SHC3: variants seen among roughly 807,000 people sequenced by gnomAD.
The protein encoded by SHC3 is SHC adaptor protein 3.
A neutral mutation model predicts 60.4 loss-of-function variants in SHC3; 15 were observed. The ratio of observed to expected loss-of-function variants is 0.25; its 90% CI spans 0.17 to 0.38. The LOEUF (loss-of-function observed/expected upper bound fraction) is 0.38, where lower values mean the gene tolerates loss of function less well. Ranked by LOEUF, SHC3 falls within the 10% of genes least tolerant of loss-of-function variation. The pLI, the probability that SHC3 is intolerant of heterozygous loss-of-function variation, is 1.00. For missense variants in SHC3, 677 were observed against 786.1 expected, an observed-to-expected ratio of 0.86 and a Z score of 1.66; for synonymous variants, 294 against 325.9, an observed-to-expected ratio of 0.90 and a Z score of 1.05.
intron 1 of SHC3, among the ~76,000 whole-genome samples, chr9:89,145,801 T>C (rs2118202226): frequency 6.6e-6 from 1 of 152,334 alleles, no homozygotes; most frequent in Non-Finnish European, 1.5e-5. Context: ...TAGTATTAGA[T>C]AAAGTAAGAA....
At chr9:89,037,908 TG>T (rs1330591266) in intron 11 of SHC3, 84 bp downstream of exon 11, 22 of 1,508,356 alleles carry the variant, frequency 1.5e-5, no homozygotes, top group Non-Finnish European at 4.5e-6. Flanking sequence ...GGTGGGAATG[TG>T]GAGGGCATTT....
At chr9:89,110,206 A>T (rs1243141940) in intron 2 of SHC3, 1 of 985,304 alleles carries the variant, frequency 1.0e-6, no homozygotes, top group Non-Finnish European at 1.2e-6. Context: ...TGGAGTCCTC[A>T]CATTTGTGTA....
Position 89,051,514 on chromosome 9 carries a change from A to G in SHC3, c.962+523T>C, listed in dbSNP as rs568710741. On this transcript the variant is annotated intron_variant, in intron 7 of 11. Coordinates refer to ENST00000375835, the MANE Select transcript of SHC3 (RefSeq NM_016848.6). ...TCACAGATAAAGCTGCTGAGACTCA[A>G]GGAGTTTACAGAACTTGCTCAGGGC... 5.9e-5 allele frequency among the ~76,000 whole-genome samples: 9 copies of G among 152,380 alleles called. No individual in the cohort carries two copies. In the East Asian group the frequency reaches 1.7e-3, roughly 29 times the overall value.
rs918551459 is a variant in SHC3 at position 89,012,105 on chromosome 9, A to G, written c.*1342T>C. 6.6e-6 allele frequency: 1 copy of G among 152,184 alleles called. No individual in the cohort carries two copies. The highest frequency in any genetic ancestry group is 2.4e-5 in the African/African-American group (1 of 41,428). The allele number at this position is 152,184 out of a possible 1,614,324, so 9.4% of individuals were successfully genotyped here. ...CTGTACCCTGTGGGGTCTCACCAGA[A>G]CAAGAGCCACGCTGCCAGCAAGCAA... On this transcript the variant is annotated 3_prime_UTR_variant, in exon 12 of 12. Transcript: ENST00000375835.
At chr9:89,062,260 T>C (rs1369960339) in intron 6 of SHC3, among the ~76,000 whole-genome samples, 1 of 152,214 alleles carries the variant, frequency 6.6e-6, no homozygotes, top group African/African-American at 2.4e-5. Context: ...AAGCCTGACT[T>C]GTTGGGAATT....
intron 10 of SHC3, among the ~76,000 whole-genome samples, chr9:89,040,171 T>C (rs1484444845): frequency 2.2e-5 from 2 of 90,290 alleles, no homozygotes; most frequent in African/African-American, 7.6e-5. Context: ...ACCATCATCA[T>C]CACTATCAAC....
At chr9:89,074,181 A>T (rs1410502504) in intron 4 of SHC3, among the ~76,000 whole-genome samples, 1 of 152,128 alleles carries the variant, frequency 6.6e-6, no homozygotes, top group African/African-American at 2.4e-5. Flanking sequence ...TAACCTGGGG[A>T]ATATGGAAGT....
At chr9:89,169,784 T>C (rs977563499) in intron 1 of SHC3, among the ~76,000 whole-genome samples, 6 of 152,154 alleles carry the variant, frequency 3.9e-5, no homozygotes, top group Non-Finnish European at 8.8e-5. Flanking sequence ...CATTTTACCA[T>C]TCTCTCTATT....
intron 11 of SHC3, among the ~76,000 whole-genome samples, chr9:89,014,081 C>A (rs1054420495): frequency 6.6e-6 from 1 of 152,198 alleles, no homozygotes; most frequent in Non-Finnish European, 1.5e-5. Context: ...CTCCAGACAT[C>A]CTGGGCACCC....
chr9:89,156,404 A>G (rs1826623744), intron 1 of SHC3, among the ~76,000 whole-genome samples: 1 of 152,200 alleles, frequency 6.6e-6, no homozygotes, highest in Non-Finnish European at 1.5e-5. Flanking sequence ...CTGAAACATC[A>G]TAGATATGAT....
chr9:89,110,323 A>C, intron 2 of SHC3: 1 of 984,824 alleles, frequency 1.0e-6, no homozygotes, highest in Non-Finnish European at 1.2e-6. Context: ...TTTTAATAAA[A>C]GGTGTGACTG....
intron 6 of SHC3, among the ~76,000 whole-genome samples, chr9:89,060,095 G>A (rs1015710047): frequency 3.7e-4 from 56 of 150,382 alleles, no homozygotes; most frequent in African/African-American, 1.3e-3. Context: ...GTGTTAGGAG[G>A]TGGTGGAGGA....
chr9:89,174,953 C>T (rs1055758779), intron 1 of SHC3, among the ~76,000 whole-genome samples: 1 of 152,184 alleles, frequency 6.6e-6, no homozygotes, highest in Non-Finnish European at 1.5e-5. Context: ...TGCTAAAGAC[C>T]AGCAGCCTCC....
intron 2 of SHC3, among the ~76,000 whole-genome samples, chr9:89,085,214 A>T (rs1825508033): frequency 6.6e-6 from 1 of 152,196 alleles, no homozygotes; most frequent in Non-Finnish European, 1.5e-5. Flanking sequence ...TGAAGGCATT[A>T]TGTGTGCATC....
chr9:89,155,642 G>A (rs1014688442), intron 1 of SHC3, among the ~76,000 whole-genome samples: 4 of 152,254 alleles, frequency 2.6e-5, no homozygotes, highest in African/African-American at 9.6e-5. Context: ...ACCAGCTGCC[G>A]ACTCTGGCCT....
At chr9:89,145,082 G>T (rs1826449329) in intron 1 of SHC3, among the ~76,000 whole-genome samples, 1 of 152,174 alleles carries the variant, frequency 6.6e-6, no homozygotes, top group South Asian at 2.1e-4. Context: ...GCACACAGCA[G>T]CCTCTCCCTC....
intron 1 of SHC3, among the ~76,000 whole-genome samples, chr9:89,175,249 T>A (rs1476642777): frequency 6.6e-6 from 1 of 152,224 alleles, no homozygotes; most frequent in African/African-American, 2.4e-5. Flanking sequence ...CTGAAAAGAA[T>A]ATAAACCTCT....
chr9:89,116,551 A>G (rs545064888), intron 1 of SHC3, among the ~76,000 whole-genome samples: 1 of 152,300 alleles, frequency 6.6e-6, no homozygotes, highest in East Asian at 1.9e-4. Context: ...ACACCAAAAG[A>G]TGTGAAAACC....
intron 1 of SHC3, among the ~76,000 whole-genome samples, chr9:89,167,274 G>A (rs1826803108): frequency 6.6e-6 from 1 of 152,200 alleles, no homozygotes; most frequent in African/African-American, 2.4e-5. Flanking sequence ...TATTACAGGA[G>A]TTGCTACTTC....
Sources: gnomAD v4.1 joint callset for allele counts (sites outside exome capture counted in the v4.1 genomes callset) on GRCh38, gnomAD v4.1.1 for gene constraint, MANE v1.5 for transcripts, NCBI Gene and HGNC (gene_info 2026-07-23, HGNC 2026-07-21) for gene names.